Variants in GRM3 observed in about 807,000 individuals in gnomAD.
GRM3 encodes the protein glutamate metabotropic receptor 3.
In GRM3, 26 loss-of-function variants were observed where a neutral mutation model predicts 70.5. The ratio of observed to expected loss-of-function variants is 0.37; its 90% CI spans 0.27 to 0.51. GRM3 has a LOEUF of 0.51. Ranked by LOEUF, GRM3 falls within the 20% of genes least tolerant of loss-of-function variation. GRM3 has a pLI of 0.93. For missense variants in GRM3, 859 were observed against 1,123.8 expected (o/e 0.76, Z 3.37); for synonymous variants, 443 against 434.9 (o/e 1.02, Z -0.23).
chr7:86,832,888 CCTT>C (rs1798382684), intron 3 of GRM3: 1 of 261,902 alleles, frequency 3.8e-6, no homozygotes, highest in Admixed American at 6.5e-5. Flanking sequence ...ACATCCGACT[CCTT>C]CTGAAAGTGA....
At chr7:86,755,541 G>T (rs1385462082) in intron 1 of GRM3, among the ~76,000 whole-genome samples, 1 of 152,136 alleles carries the variant, frequency 6.6e-6, no homozygotes, top group Non-Finnish European at 1.5e-5. Context: ...ATGGAGAAAT[G>T]CTCAAAGGGC....
At chr7:86,744,767 G>A (rs1274740074) in intron 1 of GRM3, among the ~76,000 whole-genome samples, 1 of 152,036 alleles carries the variant, frequency 6.6e-6, no homozygotes, top group Admixed American at 6.6e-5. Context: ...AGTCCAGCAT[G>A]GTGGCTAAAA....
chr7:86,837,112 G>T (rs577856008), intron 3 of GRM3, among the ~76,000 whole-genome samples: 3 of 152,250 alleles, frequency 2.0e-5, no homozygotes, highest in African/African-American at 7.2e-5. Flanking sequence ...ATAACAATAA[G>T]TGAATAATAA....
At chr7:86,671,001 T>G (rs1794157297) in intron 1 of GRM3, among the ~76,000 whole-genome samples, 1 of 152,214 alleles carries the variant, frequency 6.6e-6, no homozygotes, top group South Asian at 2.1e-4. Context: ...GTAGCTTTCA[T>G]GAAATATGTT....
intron 2 of GRM3, among the ~76,000 whole-genome samples, chr7:86,766,306 A>T (rs1421012320): frequency 6.6e-6 from 1 of 152,112 alleles, no homozygotes; most frequent in African/African-American, 2.4e-5. Context: ...TTTTGTTCAG[A>T]GATAAAATAC....
chr7:86,781,083 T>C (rs1474094351), intron 2 of GRM3, among the ~76,000 whole-genome samples: 1 of 152,154 alleles, frequency 6.6e-6, no homozygotes, highest in East Asian at 1.9e-4. Flanking sequence ...TTTACCTTAG[T>C]TTCTCAAGCT....
Position 86,644,377 on chromosome 7 carries a change from T to C in GRM3, c.-636T>C. 1 of 301,518 alleles carries C rather than the reference T, an allele frequency of 3.3e-6. No homozygotes were observed. The highest frequency in any genetic ancestry group is 2.8e-5 in the South Asian group (1 of 35,798). The allele number at this position is 301,518 out of a possible 1,614,324, so 18.7% of individuals were successfully genotyped here. A position where few individuals can be genotyped will look rare whatever the true frequency, so the allele number is the denominator to read the frequency against. ...GAGGATGCCAGGAGGTCCGTGCTTC[T>C]GCCAAGAGTCCCAATTAGATGCGAC... is the stretch of plus-strand genomic sequence containing the variant. On this transcript the variant is annotated 5_prime_UTR_variant, in exon 1 of 6. Transcript: ENST00000361669.
At chr7:86,756,116 GC>G (rs1796338237) in intron 1 of GRM3, among the ~76,000 whole-genome samples, 1 of 151,852 alleles carries the variant, frequency 6.6e-6, no homozygotes, top group Non-Finnish European at 1.5e-5. Context: ...TAACTTCTGT[GC>G]CCCCAGACTG....
At position 86,839,047 on chromosome 7, in the gene GRM3, C is replaced by A; in HGVS notation, c.1533C>A (p.Asp511Glu). Residue 511 changes from aspartate (D) to glutamate (E), a missense_variant, in exon 4 of 6, where the codon GAC becomes GAA. Asp to Glu is a conservative substitution (Grantham distance 45). Coordinates refer to ENST00000361669, the MANE Select transcript of GRM3 (RefSeq NM_000840.3). The surrounding 1 kb of genome is among the most constrained non-coding windows in gnomAD (Gnocchi z 4.5). ...RNSVPTSQCS[D>E]PCAPNEMKNM... ...CAGTCCCCACTTCCCAGTGCAGCGA[C>A]CCCTGTGCCCCCAATGAAATGAAGA... 1.2e-6 allele frequency: 2 copies of A among 1,613,992 alleles called. No individual in the cohort carries two copies. Among genetic ancestry groups the A allele is most frequent in the Non-Finnish European group, 1.7e-6 (2 of 1,179,856 alleles).
Position 86,702,607 on chromosome 7 carries a change from A to G in GRM3, c.-141+57735A>G, listed in dbSNP as rs181775145. 2.3e-3 allele frequency among the ~76,000 whole-genome samples: 346 copies of G among 152,124 alleles called. 3 individuals carry two copies. The highest frequency in any genetic ancestry group is 3.4e-3 in the Middle Eastern group (1 of 294). ...TAAAAGATCCAATTATGATTCCATC[A>G]TTCTCTTTTTGTCCTTATTCTTTAC... On this transcript the variant is annotated intron_variant, in intron 1 of 5. Coordinates refer to ENST00000361669, the MANE Select transcript of GRM3 (RefSeq NM_000840.3).
At chr7:86,845,557 C>T (rs1239234065) in intron 4 of GRM3, among the ~76,000 whole-genome samples, 2 of 152,032 alleles carry the variant, frequency 1.3e-5, no homozygotes, top group Admixed American at 1.3e-4. Flanking sequence ...GAGTTCCTCC[C>T]CTCTCTGAAG....
At chr7:86,706,013 G>T (rs1185165395) in intron 1 of GRM3, among the ~76,000 whole-genome samples, 3 of 89,106 alleles carry the variant, frequency 3.4e-5, no homozygotes, top group Non-Finnish European at 7.0e-5. Context: ...ATCTGTCTAG[G>T]ATGATAAAAC....
At chr7:86,746,830 C>T (rs1213225132) in intron 1 of GRM3, among the ~76,000 whole-genome samples, 1 of 152,024 alleles carries the variant, frequency 6.6e-6, no homozygotes, top group African/African-American at 2.4e-5. Context: ...TGGCAAATGC[C>T]ACTATGGCCT....
chr7:86,713,642 C>T (rs1348023543), intron 1 of GRM3, among the ~76,000 whole-genome samples: 2 of 151,886 alleles, frequency 1.3e-5, no homozygotes, highest in South Asian at 2.1e-4. Context: ...TGTAGGATGC[C>T]TTTTTCTGTA....
At chr7:86,721,619 A>G (rs1334548332) in intron 1 of GRM3, among the ~76,000 whole-genome samples, 1 of 152,138 alleles carries the variant, frequency 6.6e-6, no homozygotes, top group East Asian at 1.9e-4. Flanking sequence ...GTGCTTTATA[A>G]TAAGATCTGA....
intron 1 of GRM3, among the ~76,000 whole-genome samples, chr7:86,754,566 T>C (rs534581390): frequency 1.3e-5 from 2 of 152,220 alleles, no homozygotes; most frequent in South Asian, 4.1e-4. Flanking sequence ...GGCATCTATA[T>C]GTAAGGGTAT....
At chr7:86,777,251 T>TA (rs1294140607) in intron 2 of GRM3, among the ~76,000 whole-genome samples, 1 of 152,196 alleles carries the variant, frequency 6.6e-6, no homozygotes, top group African/African-American at 2.4e-5. Context: ...CCTTACTATT[T>TA]AAGAAGTCCT....
intron 1 of GRM3, among the ~76,000 whole-genome samples, chr7:86,688,418 A>G (rs1416319377): frequency 6.6e-6 from 1 of 151,708 alleles, no homozygotes; most frequent in Non-Finnish European, 1.5e-5. Flanking sequence ...CAAAGTCATA[A>G]AAGGGTTAAG....
intron 5 of GRM3, among the ~76,000 whole-genome samples, chr7:86,855,637 G>A (rs572191523): frequency 2.0e-4 from 31 of 152,048 alleles, no homozygotes; most frequent in African/African-American, 5.8e-4. Context: ...AAGTTTTTTC[G>A]CATTATAAAA....
Sources: allele counts gnomAD v4.1 joint callset (sites outside exome capture counted in the v4.1 genomes callset), GRCh38; gene constraint gnomAD v4.1.1; non-coding constraint Gnocchi (gnomAD v3.1); transcripts MANE v1.5; gene names NCBI Gene and HGNC (gene_info 2026-07-23, HGNC 2026-07-21).